PLCB3: variants seen among roughly 807,000 people sequenced by gnomAD.
The protein encoded by PLCB3 is 1-phosphatidylinositol 4,5-bisphosphate phosphodiesterase beta-3.
PLCB3 carries 54 observed loss-of-function variants against 152.1 expected under a neutral mutation model. The observed-to-expected ratio is 0.36, with a 90% CI of 0.29 to 0.45. The LOEUF (loss-of-function observed/expected upper bound fraction) is 0.45. Ranked by LOEUF, PLCB3 falls within the 20% of genes least tolerant of loss-of-function variation. The pLI is 1.00. For missense variants in PLCB3, 1,248 were observed against 1,687.5 expected (o/e 0.74, Z 4.56); for synonymous variants, 717 against 698.7 (o/e 1.03, Z -0.41).
rs2135059478 is a variant in PLCB3, at chr11:64,262,541, G to T, written c.2173G>T (p.Ala725Ser). ...FTEVIVDGIV[A>S]NALRVKVISG... ...TGAGGTCATCGTGGATGGCATCGTG[G>T]CCAATGCCTTGCGGGTCAAGGTGGG... is the stretch of plus-strand genomic sequence containing the variant. Residue 725 changes from alanine (A) to serine (S), a missense_variant, in exon 18 of 31, where the codon GCC becomes TCC. Ala to Ser is a moderately conservative substitution (Grantham distance 99). This residue lies in a region of PLCB3 where 244 missense variants were observed against 424.4 expected (regional missense o/e 0.57). Transcript: ENST00000279230. 6.2e-7 allele frequency: 1 copy of T among 1,613,868 alleles called. No individual in the cohort carries two copies. The highest frequency in any genetic ancestry group is 1.1e-5 in the South Asian group (1 of 91,080).
In PLCB3 at chr11:64,262,449, G is replaced by A; in HGVS notation, c.2081G>A (p.Gly694Glu). 1 of 1,613,896 alleles carries A rather than the reference G, an allele frequency of 6.2e-7. No individual in the cohort carries two copies. The highest frequency in any genetic ancestry group is 8.5e-7 in the Non-Finnish European group (1 of 1,179,998). Residue 694 changes from glycine to glutamate, a missense_variant, in exon 18 of 31, where the codon GGG (glycine) becomes GAG (glutamate). Gly to Glu is a moderately conservative substitution (Grantham distance 98). Coordinates refer to ENST00000279230, the MANE Select transcript of PLCB3 (RefSeq NM_000932.5). ...AACGCGGGCGTTTTTGAGTACAACG[G>A]GCGCAGCGGGTACCTGCTCAAGCCG... The part of the protein sequence containing the change: ...QLNAGVFEYN[G>E]RSGYLLKPEF...
Position 64,255,455 on chromosome 11 carries a change from C to T in PLCB3, c.521+6C>T, listed in dbSNP as rs201416022. 56 of 1,613,972 alleles carry T rather than the reference C, an allele frequency of 3.5e-5. No individual in the cohort carries two copies. Among genetic ancestry groups the T allele is most frequent in the Non-Finnish European group, 4.4e-5 (52 of 1,179,964 alleles). Reference sequence around the variant, plus strand: ...GGTCGGATCCCCGTCAAGAAGTGAGCACCCCTTCCCCCAGCACCTTCCTCC... The same window carrying T: ...GGTCGGATCCCCGTCAAGAAGTGAGTACCCCTTCCCCCAGCACCTTCCTCC... On this transcript the variant is annotated splice_donor_region_variant and intron_variant, in intron 6 of 30. Transcript: ENST00000279230. This position sits in a 1 kb window ranked among gnomAD's most constrained non-coding sequence, Gnocchi z 6.8.
At chr11:64,260,265 G>C in intron 14 of PLCB3, 31 bp downstream of exon 14, 1 of 1,501,210 alleles carries the variant, frequency 6.7e-7, no homozygotes, top group Non-Finnish European at 9.0e-7. Context: ...AGGTCGGGGA[G>C]GTAGCATCTA....
Position 64,255,644 on chromosome 11 carries a change from T to TGGGGGGGGGGGGCCGGGGGGGGGGGG in PLCB3, c.597+32_597+33insGGGGGGGGCCGGGGGGGGGGGGGGGG. 4 of 890,092 alleles carry TGGGGGGGGGGGGCCGGGGGGGGGGGG rather than the reference T, an allele frequency of 4.5e-6. No individual in the cohort carries two copies. The highest frequency in any genetic ancestry group is 1.3e-5 in the South Asian group (1 of 76,314). 55.1% of individuals were successfully genotyped at this position (890,092 alleles called of 1,614,324 possible). A position where few individuals can be genotyped will look rare whatever the true frequency, so the allele number is the denominator to read the frequency against. ...GTGTGGGGTGGGGACAGGGGCGGGG[T>TGGGGGGGGGGGGCCGGGGGGGGGGGG]GGGGTGTCACGGTGGGCACCCACCC... On this transcript the variant is annotated intron_variant, in intron 7 of 30. Transcript: ENST00000279230. The surrounding 1 kb of genome is among the most constrained non-coding windows in gnomAD (Gnocchi z 6.8).
Position 64,267,019 on chromosome 11 carries a change from C to T in PLCB3, c.3415-166C>T, listed in dbSNP as rs900660302. Among the ~76,000 whole-genome samples the T allele has an allele frequency of 6.6e-6, 1 of 152,166 alleles. No individual in the cohort carries two copies. Among genetic ancestry groups the T allele is most frequent in the Admixed American group, 6.5e-5 (1 of 15,284 alleles). ...ATGTTGGCCAGGCTGTTCTCGAACT[C>T]CTGACCTCAGGTGATCCGCCCGCCT... On this transcript the variant is annotated intron_variant, in intron 29 of 30. Coordinates refer to ENST00000279230, the MANE Select transcript of PLCB3 (RefSeq NM_000932.5). This position sits in a 1 kb window ranked among gnomAD's most constrained non-coding sequence, Gnocchi z 5.2.
chr11:64,262,063 C>T lies in PLCB3; in HGVS notation c.2025C>T (p.Asn675=), dbSNP rs779957550. 3.7e-6 allele frequency: 6 copies of T among 1,614,052 alleles called. No homozygotes were observed. In the Admixed American group the frequency reaches 1.0e-4, roughly 27 times the overall value. Residue 675 remains asparagine (N), a synonymous_variant, in exon 17 of 31, where the codon AAC becomes AAT. Transcript: ENST00000279230. The stretch of plus-strand genomic sequence containing the variant: ...TAGGGTGCCAGCTTGTTGCGCTCAA[C>T]TTCCAGACCCTCGGTGAGCCCTGGC... ...WNVGCQLVAL[N]FQTLDVAMQL...
rs1177145200 is a variant in PLCB3, at chr11:64,264,064, G to C, written c.2604G>C (p.Leu868=). 6.4e-7 allele frequency: 1 copy of C among 1,563,444 alleles called. No individual in the cohort carries two copies. The highest frequency in any genetic ancestry group is 8.6e-7 in the Non-Finnish European group (1 of 1,156,378). The change falls in exon 22 of 31, where the codon CTG becomes CTC. Residue 868 remains leucine, a synonymous_variant. Coordinates refer to ENST00000279230, the MANE Select transcript of PLCB3 (RefSeq NM_000932.5). ...TCAACCCCATTAAGCACGTCAGCCT[G>C]ATGGACCAGAGGGCCCGGCAGCTGG... ...ALINPIKHVS[L]MDQRARQLAA... is the part of the protein sequence containing the mutation.
Position 64,258,858 on chromosome 11 carries a change from C to T in PLCB3, c.1254-27C>T, listed in dbSNP as rs1183100542. 1.2e-6 allele frequency: 2 copies of T among 1,612,890 alleles called. No homozygotes were observed. Among genetic ancestry groups the T allele is most frequent in the East Asian group, 2.2e-5 (1 of 44,876 alleles). On this transcript the variant is annotated intron_variant, in intron 11 of 30. Transcript: ENST00000279230. The surrounding 1 kb of genome is among the most constrained non-coding windows in gnomAD (Gnocchi z 7.2). ...TCAGCTTCCTCTCTGGGGGAGGGAT[C>T]TCTGACCTCTGACCTCGGTTCCGCA...
At chr11:64,260,703 G>A (rs1349850505) in intron 14 of PLCB3, among the ~76,000 whole-genome samples, 1 of 149,594 alleles carries the variant, frequency 6.7e-6, no homozygotes, top group East Asian at 2.0e-4. Flanking sequence ...AACCTGGGAG[G>A]TGGAGGTTGC....
At position 64,258,140 on chromosome 11, in the gene PLCB3, C is replaced by G. The variant is rs866765459; in HGVS notation, c.1013-333C>G. Among the ~76,000 whole-genome samples, 1 of 142,974 alleles carries G rather than the reference C, an allele frequency of 7.0e-6. No individual in the cohort carries two copies. The highest frequency in any genetic ancestry group is 2.0e-4 in the East Asian group (1 of 4,890). 93.8% of individuals were successfully genotyped at this position (142,974 alleles called of 152,430 possible). A position where few individuals can be genotyped will look rare whatever the true frequency, so the allele number is the denominator to read the frequency against. On this transcript the variant is annotated intron_variant, in intron 10 of 30. Transcript: ENST00000279230. This position sits in a 1 kb window ranked among gnomAD's most constrained non-coding sequence, Gnocchi z 7.2. The stretch of plus-strand genomic sequence containing the variant: ...CTGCACTCCAGCCTGGGTGACAGAG[C>G]GAGGTTCCGTCTCAAAAAAAAAAAA...
At position 64,267,587 on chromosome 11, in the gene PLCB3, G is replaced by A; in HGVS notation, c.*31G>A. 2 of 1,506,712 alleles carry A rather than the reference G, an allele frequency of 1.3e-6. No individual in the cohort carries two copies. The highest frequency in any genetic ancestry group is 1.8e-6 in the Non-Finnish European group (2 of 1,117,112). 93.3% of individuals were successfully genotyped at this position (1,506,712 alleles called of 1,614,324 possible). On this transcript the variant is annotated 3_prime_UTR_variant, in exon 31 of 31. Coordinates refer to ENST00000279230, the MANE Select transcript of PLCB3 (RefSeq NM_000932.5). The surrounding 1 kb of genome is among the most constrained non-coding windows in gnomAD (Gnocchi z 5.2). ...CTGAGCGAGGTGGCCACAGGGCCAG[G>A]GCGGGCGCTGGGTGGAGGGCAGGAG...
In PLCB3 at chr11:64,255,371, G is replaced by A. The variant is rs755156426; in HGVS notation, c.468-25G>A. The A allele has an allele frequency of 4.3e-6, 7 of 1,614,062 alleles. No homozygotes were observed. Among genetic ancestry groups the A allele is most frequent in the Admixed American group, 1.7e-5 (1 of 60,030 alleles). ...GGGTTCACGTGGCCGTTTTCAGGGT[G>A]TGACCTCTTCATCTGCCTTCCCAGA... On this transcript the variant is annotated intron_variant, in intron 5 of 30. Transcript: ENST00000279230. The surrounding 1 kb of genome is among the most constrained non-coding windows in gnomAD (Gnocchi z 6.8).
Position 64,267,628 on chromosome 11 carries a change from C to A in PLCB3, c.*72C>A. Reference sequence around the variant, plus strand: ...AGGGCAGGAGGCAATGACACTAATGCTTTTTTTTTTTTTTTTTAACTTTTT... The same window carrying A: ...AGGGCAGGAGGCAATGACACTAATGATTTTTTTTTTTTTTTTTAACTTTTT... On this transcript the variant is annotated 3_prime_UTR_variant, in exon 31 of 31. Transcript: ENST00000279230. The surrounding 1 kb of genome is among the most constrained non-coding windows in gnomAD (Gnocchi z 5.2). 1.3e-6 allele frequency: 1 copy of A among 772,820 alleles called. No individual in the cohort carries two copies. The highest frequency in any genetic ancestry group is 2.0e-6 in the Non-Finnish European group (1 of 510,628). The allele number at this position is 772,820 out of a possible 1,614,324, so 47.9% of individuals were successfully genotyped here.
chr11:64,258,560 AGGGAC>A lies in PLCB3; in HGVS notation c.1103_1107del (p.Gly368AlafsTer3). ...CGCTGCGTGGAGCTGGACGTGTGGA[AGGGAC>A]GGCCGCCTGAGGAGGAACCCTTCAT... On this transcript the variant is annotated frameshift_variant, in exon 11 of 31. Transcript: ENST00000279230. LOFTEE classifies it high-confidence loss of function. The surrounding 1 kb of genome is among the most constrained non-coding windows in gnomAD (Gnocchi z 7.2). 6.2e-7 allele frequency: 1 copy of A among 1,613,982 alleles called. No homozygotes were observed. Among genetic ancestry groups the A allele is most frequent in the Non-Finnish European group, 8.5e-7 (1 of 1,180,022 alleles).
At chr11:64,253,828 C>T (rs547126960) in intron 1 of PLCB3, among the ~76,000 whole-genome samples, 16 of 152,184 alleles carry the variant, frequency 1.1e-4, no homozygotes, top group Non-Finnish European at 1.5e-4. Flanking sequence ...TGTTCTTCTA[C>T]GAGATGGGGA....
At chr11:64,263,286 G>C (rs988789089) in intron 19 of PLCB3, 11 of 556,848 alleles carry the variant, frequency 2.0e-5, no homozygotes, top group East Asian at 1.2e-4. Flanking sequence ...CTGTCATCTT[G>C]CCTCAGGGTC....
chr11:64,258,677 A>T lies in PLCB3; in HGVS notation c.1217A>T (p.Tyr406Phe), dbSNP rs747606768. ...IAETAFKTSPYPVILSFENHV... is the reference protein window; with the variant it reads ...IAETAFKTSPFPVILSFENHV... ...GAGACTGCCTTCAAGACCTCGCCCTACCCCGTCATCCTCTCCTTCGAGAAC... is the reference window on the plus strand; with the variant it reads ...GAGACTGCCTTCAAGACCTCGCCCTTCCCCGTCATCCTCTCCTTCGAGAAC... Residue 406 changes from tyrosine (Y) to phenylalanine (F), a missense_variant, in exon 11 of 31, where the codon TAC becomes TTC. Physicochemically the swap from Tyr to Phe is conservative, Grantham distance 22. Coordinates refer to ENST00000279230, the MANE Select transcript of PLCB3 (RefSeq NM_000932.5). This position sits in a 1 kb window ranked among gnomAD's most constrained non-coding sequence, Gnocchi z 7.2. 3 of 1,613,626 alleles carry T rather than the reference A, an allele frequency of 1.9e-6. No homozygotes were observed. Among genetic ancestry groups the T allele is most frequent in the Admixed American group, 1.7e-5 (1 of 60,000 alleles).
In PLCB3 at chr11:64,265,371, C is replaced by G. The variant is rs771325943; in HGVS notation, c.2904C>G (p.Ser968Arg). Residue 968 changes from serine (S) to arginine (R), a missense_variant, in exon 25 of 31, where the codon AGC becomes AGG. Transcript: ENST00000279230. ...ACAAGGCTCTGGTCAAGCTCCGGAG[C>G]CGGCAAGAGCGAGACCTGCGGGAGC... ...RGHKALVKLRSRQERDLRELR... is the reference protein window; with the variant it reads ...RGHKALVKLRRRQERDLRELR... 2 of 1,611,960 alleles carry G rather than the reference C, an allele frequency of 1.2e-6. No homozygotes were observed. The highest frequency in any genetic ancestry group is 1.7e-6 in the Non-Finnish European group (2 of 1,179,470).
chr11:64,263,217 C>T (rs1245485903), intron 19 of PLCB3, among the ~76,000 whole-genome samples: 2 of 152,238 alleles, frequency 1.3e-5, no homozygotes, highest in Non-Finnish European at 2.9e-5. Context: ...GACTCACTCC[C>T]GTTTCTAAAC....
Sources: allele counts gnomAD v4.1 joint callset (sites outside exome capture counted in the v4.1 genomes callset), GRCh38; gene constraint gnomAD v4.1.1; regional missense constraint gnomAD v4.1.1; non-coding constraint Gnocchi (gnomAD v3.1); transcripts MANE v1.5; gene names NCBI Gene and HGNC (gene_info 2026-07-23, HGNC 2026-07-21).